The following CLVS1 variants were observed in gnomAD, a reference collection of about 807,000 sequenced individuals.
CLVS1 encodes the protein clavesin-1.
A neutral mutation model predicts 33.1 loss-of-function variants in CLVS1; 10 were observed. The observed-to-expected ratio is 0.30, with a 90% CI of 0.19 to 0.51. The LOEUF (loss-of-function observed/expected upper bound fraction) is 0.51. CLVS1 is among the 20% of genes least tolerant of loss of function. The pLI is 0.97. For synonymous variants in CLVS1, 163 were observed against 166.1 expected (o/e 0.98, Z 0.14); for missense variants, 343 against 433.4 (o/e 0.79, Z 1.85).
chr8:61,461,171 G>A (rs938121702), intron 5 of CLVS1, among the ~76,000 whole-genome samples: 4 of 152,162 alleles, frequency 2.6e-5, no homozygotes, highest in Non-Finnish European at 5.9e-5. Context: ...ATGTAAAATT[G>A]ACATGAATTG....
intron 2 of CLVS1, among the ~76,000 whole-genome samples, chr8:61,339,836 G>T (rs1811953543): frequency 6.9e-6 from 1 of 144,966 alleles, no homozygotes; most frequent in Admixed American, 7.1e-5. Flanking sequence ...GAGCGAGAAA[G>T]GAAGGAAGGA....
intron 2 of CLVS1, among the ~76,000 whole-genome samples, chr8:61,267,337 T>C (rs2129592505): frequency 6.6e-6 from 1 of 152,314 alleles, no homozygotes; most frequent in East Asian, 1.9e-4. Context: ...ATCTTGTATC[T>C]AAATTTGTGT....
intron 2 of CLVS1, among the ~76,000 whole-genome samples, chr8:61,279,153 A>G (rs1295621853): frequency 3.3e-5 from 5 of 152,152 alleles, no homozygotes; most frequent in Non-Finnish European, 7.4e-5. Context: ...TGAAGTGTAT[A>G]TCCCTGCCCC....
At chr8:61,262,771 G>T (rs1218870953) in intron 2 of CLVS1, among the ~76,000 whole-genome samples, 1 of 152,140 alleles carries the variant, frequency 6.6e-6, no homozygotes, top group Non-Finnish European at 1.5e-5. Context: ...CAGGCGTTCA[G>T]GATGCTCCCA....
chr8:61,226,965 A>G (rs889620955), intron 2 of CLVS1, among the ~76,000 whole-genome samples: 4 of 146,660 alleles, frequency 2.7e-5, no homozygotes, highest in African/African-American at 1.0e-4. Flanking sequence ...AACACCTGCT[A>G]TATTACGAAA....
chr8:61,479,946 T>G (rs952250294), intron 5 of CLVS1, among the ~76,000 whole-genome samples: 1 of 152,144 alleles, frequency 6.6e-6, no homozygotes, highest in African/African-American at 2.4e-5. Flanking sequence ...CCCTGGAAGT[T>G]TTGTCTCAGA....
At chr8:61,364,973 C>T (rs953202445) in intron 2 of CLVS1, among the ~76,000 whole-genome samples, 5 of 152,184 alleles carry the variant, frequency 3.3e-5, no homozygotes, top group African/African-American at 9.7e-5. Context: ...ACACTGTTAT[C>T]AGAGTTTATG....
intron 2 of CLVS1, among the ~76,000 whole-genome samples, chr8:61,368,940 G>A (rs1813320734): frequency 6.6e-6 from 1 of 152,228 alleles, no homozygotes; most frequent in East Asian, 1.9e-4. Context: ...AATTCAAAGA[G>A]ATGAAAATTT....
Position 61,477,009 on chromosome 8 carries a change from G to C in CLVS1, c.977+18467G>C, listed in dbSNP as rs550873702. ...TTTATTGAGAGTTTCTAGCATGAAG[G>C]TTGTTGAATTTTATCAAAGGCCTTT... On this transcript the variant is annotated intron_variant, in intron 5 of 5. Coordinates refer to ENST00000325897, the MANE Select transcript of CLVS1 (RefSeq NM_173519.3). Among the ~76,000 whole-genome samples, 7 of 151,098 alleles carry C rather than the reference G, an allele frequency of 4.6e-5. No individual in the cohort carries two copies. The East Asian group carries it at 7.7e-4, about 17-fold the overall frequency.
At chr8:61,478,339 G>T (rs573267749) in intron 5 of CLVS1, among the ~76,000 whole-genome samples, 13 of 152,272 alleles carry the variant, frequency 8.5e-5, no homozygotes, top group Non-Finnish European at 1.0e-4. Flanking sequence ...AGGTCCACTT[G>T]GTTCAGAGCT....
At chr8:61,315,589 G>A (rs186058653) in intron 2 of CLVS1, among the ~76,000 whole-genome samples, 5 of 152,228 alleles carry the variant, frequency 3.3e-5, no homozygotes, top group Admixed American at 6.5e-5. Context: ...TAGGGACAAG[G>A]GCAGGGACAT....
chr8:61,225,277 C>T (rs1197331934), intron 2 of CLVS1, among the ~76,000 whole-genome samples: 1 of 151,884 alleles, frequency 6.6e-6, no homozygotes. Flanking sequence ...GAGATAGTAC[C>T]ATTATACTAC....
chr8:61,454,827 T>A (rs538015023), intron 4 of CLVS1, among the ~76,000 whole-genome samples: 23 of 152,340 alleles, frequency 1.5e-4, no homozygotes, highest in Admixed American at 8.5e-4. Context: ...CATGGCATTT[T>A]GATGAGCTGA....
At position 61,208,239 on chromosome 8, in the gene CLVS1, A is replaced by AT. The variant is rs558843267; in HGVS notation, c.-152+76385dup. ...ATTTATTAGTTTCACAAAATGATAG[A>AT]TTTTTTCCAGGCACACATGCTGATT... On this transcript the variant is annotated intron_variant, in intron 2 of 2. Transcript: ENST00000522621. 1.8e-3 allele frequency among the ~76,000 whole-genome samples: 278 copies of AT among 152,286 alleles called. 2 individuals carry two copies. Among genetic ancestry groups the AT allele is most frequent in the Non-Finnish European group, 2.8e-3 (191 of 68,034 alleles).
chr8:61,195,522 T>A (rs1807587042), intron 2 of CLVS1, among the ~76,000 whole-genome samples: 1 of 152,018 alleles, frequency 6.6e-6, no homozygotes, highest in African/African-American at 2.4e-5. Context: ...ATGATGTGCT[T>A]ATTCAAAAGG....
intron 2 of CLVS1, among the ~76,000 whole-genome samples, chr8:61,191,077 G>A (rs1204926639): frequency 6.6e-6 from 1 of 152,056 alleles, no homozygotes; most frequent in African/African-American, 2.4e-5. Context: ...ACAAAAAAAA[G>A]AGAATTTTAG....
chr8:61,065,183 C>T (rs751972485), intron 1 of CLVS1, among the ~76,000 whole-genome samples: 25 of 152,206 alleles, frequency 1.6e-4, no homozygotes, highest in Non-Finnish European at 3.2e-4. Context: ...TGCATTTAAC[C>T]TATGTACGTC....
At chr8:61,114,296 C>T (rs191077301) in intron 1 of CLVS1, among the ~76,000 whole-genome samples, 15 of 152,302 alleles carry the variant, frequency 9.8e-5, no homozygotes, top group Non-Finnish European at 1.8e-4. Flanking sequence ...GTGGGTCAAT[C>T]CCACCCATAG....
chr8:61,299,455 A>G lies in CLVS1; in HGVS notation c.-151-222A>G, dbSNP rs907971071. Among the ~76,000 whole-genome samples the G allele has an allele frequency of 6.0e-4, 92 of 152,200 alleles. 1 individual carries two copies. Among genetic ancestry groups the G allele is most frequent in the Admixed American group, 3.3e-4 (5 of 15,270 alleles). ...AGTCAATGGAACTGAAACGTTCCCA[A>G]ACATATTTCAAATATTTGCATGTTA... On this transcript the variant is annotated intron_variant, in intron 1 of 5. Transcript: ENST00000325897.
Sources: gnomAD v4.1 joint callset for allele counts (sites outside exome capture counted in the v4.1 genomes callset) on GRCh38, gnomAD v4.1.1 for gene constraint, MANE v1.5 for transcripts, NCBI Gene and HGNC (gene_info 2026-07-23, HGNC 2026-07-21) for gene names.